Variants in CDC123 observed in about 807,000 individuals in gnomAD.
CDC123 encodes the protein translation initiation factor eIF2 assembly protein.
In CDC123, 37 loss-of-function variants were observed where a neutral mutation model predicts 54.4. The observed-to-expected ratio is 0.68, with a 90% CI of 0.52 to 0.89. The LOEUF is 0.89. Among genes scored for constraint, CDC123 ranks in the 40% least tolerant of loss-of-function variants. CDC123 has a pLI of 0.00. For synonymous variants in CDC123, 144 were observed against 136.8 expected, an observed-to-expected ratio of 1.05 and a Z score of -0.37; for missense variants, 361 against 412.1, an observed-to-expected ratio of 0.88 and a Z score of 1.07.
chr10:12,220,161 C>CAT (rs1320324537), intron 6 of CDC123, among the ~76,000 whole-genome samples: 1 of 152,128 alleles, frequency 6.6e-6, no homozygotes, highest in African/African-American at 2.4e-5. Context: ...CCTTTAGTGT[C>CAT]AGTTGCAGTG....
chr10:12,216,898 A>G (rs979117280), intron 5 of CDC123, among the ~76,000 whole-genome samples: 3 of 152,160 alleles, frequency 2.0e-5, no homozygotes, highest in Non-Finnish European at 4.4e-5. Flanking sequence ...TCTCTTTCAG[A>G]TTTGATAGAC....
At chr10:12,209,828 T>A in intron 2 of CDC123, 139 bp from the exon 3 acceptor site, 2 of 748,206 alleles carry the variant, frequency 2.7e-6, no homozygotes, top group South Asian at 3.2e-5. Flanking sequence ...CCTGCCAGAG[T>A]GCTAGGATTA....
At chr10:12,215,915 G>T in intron 5 of CDC123, 80 bp downstream of exon 5, 1 of 789,360 alleles carries the variant, frequency 1.3e-6, no homozygotes, top group Non-Finnish European at 2.0e-6. Context: ...CCCTACAGAG[G>T]GTCTAATTAT....
At chr10:12,219,708 G>A (rs567750807) in intron 6 of CDC123, among the ~76,000 whole-genome samples, 17 of 123,010 alleles carry the variant, frequency 1.4e-4, no homozygotes, top group Admixed American at 1.1e-3. Context: ...TTTTTTTGAC[G>A]GAGTCTCACT....
chr10:12,210,107 T>G, intron 3 of CDC123, 83 bp downstream of exon 3: 1 of 1,496,590 alleles, frequency 6.7e-7, no homozygotes, highest in East Asian at 2.3e-5. Flanking sequence ...GTAGATCTTA[T>G]CTTACATCTG....
intron 4 of CDC123, among the ~76,000 whole-genome samples, chr10:12,214,625 C>G (rs1835641057): frequency 1.3e-5 from 2 of 152,178 alleles, no homozygotes; most frequent in South Asian, 4.1e-4. Context: ...AAAGCTGTTT[C>G]TTGTTTTGGG....
intron 1 of CDC123, 123 bp from the exon 2 acceptor site, chr10:12,198,582 A>G (rs752693276): frequency 1.5e-6 from 1 of 668,066 alleles, no homozygotes; most frequent in Non-Finnish European, 2.7e-6. Context: ...AATGTACATC[A>G]TTAACATTTT....
intron 2 of CDC123, among the ~76,000 whole-genome samples, chr10:12,199,107 A>G (rs904240930): frequency 2.6e-5 from 4 of 152,214 alleles, no homozygotes; most frequent in African/African-American, 9.6e-5. Flanking sequence ...AGTTTTGACG[A>G]TTAAAAATTC....
chr10:12,240,330 C>G (rs1356337319), intron 10 of CDC123, among the ~76,000 whole-genome samples: 2 of 152,150 alleles, frequency 1.3e-5, no homozygotes, highest in Non-Finnish European at 2.9e-5. Flanking sequence ...TCCCGTGTCA[C>G]CTACACACAA....
intron 6 of CDC123, among the ~76,000 whole-genome samples, chr10:12,227,217 C>A (rs569609411): frequency 6.6e-6 from 1 of 150,872 alleles, no homozygotes; most frequent in Admixed American, 6.6e-5. Flanking sequence ...TACAGTCCAG[C>A]CTCTGCTCGG....
chr10:12,223,880 C>T (rs1431576896), intron 6 of CDC123, among the ~76,000 whole-genome samples: 1 of 151,244 alleles, frequency 6.6e-6, no homozygotes, highest in Non-Finnish European at 1.5e-5. Context: ...TTTTTTATTT[C>T]AGTAGGTTTG....
chr10:12,248,699 G>A (rs113821372), intron 11 of CDC123, among the ~76,000 whole-genome samples: 9 of 152,168 alleles, frequency 5.9e-5, no homozygotes, highest in East Asian at 3.9e-4. Flanking sequence ...CCAGCCACTC[G>A]GGAGGCTGAG....
chr10:12,199,923 C>T (rs944408511), intron 2 of CDC123, among the ~76,000 whole-genome samples: 3 of 148,122 alleles, frequency 2.0e-5, no homozygotes, highest in South Asian at 2.1e-4. Flanking sequence ...CCCGGGTTCA[C>T]GCTATTCTCC....
chr10:12,206,762 T>C (rs184311049), intron 2 of CDC123, among the ~76,000 whole-genome samples: 5 of 152,006 alleles, frequency 3.3e-5, no homozygotes, highest in South Asian at 4.2e-4. Flanking sequence ...ATCGAGACCA[T>C]CCTGGCCAAC....
At chr10:12,231,077 A>T (rs1214935294) in intron 7 of CDC123, 81 bp downstream of exon 7, 1 of 1,320,330 alleles carries the variant, frequency 7.6e-7, no homozygotes, top group East Asian at 2.3e-5. Flanking sequence ...AATGAAATGA[A>T]TGAAGTTTCT....
chr10:12,249,931 C>A, intron 12 of CDC123: 1 of 588,516 alleles, frequency 1.7e-6, no homozygotes, highest in Non-Finnish European at 2.8e-6. Context: ...TGTTTTTATG[C>A]TGTACATGCC....
intron 1 of CDC123, 141 bp downstream of exon 1, chr10:12,196,460 A>G (rs1835348023): frequency 5.2e-6 from 6 of 1,149,406 alleles, no homozygotes; most frequent in South Asian, 2.8e-5. Flanking sequence ...TACATCAGCA[A>G]TTGTCTGCGT....
At chr10:12,238,532 T>A in intron 10 of CDC123, 47 bp downstream of exon 10, 1 of 1,593,656 alleles carries the variant, frequency 6.3e-7, no homozygotes, top group South Asian at 1.1e-5. Flanking sequence ...GAGCTGGTTT[T>A]ATAAGCAGGC....
At position 12,196,241 on chromosome 10, in the gene CDC123, G is replaced by T. The variant is rs758743330; in HGVS notation, c.-5G>T. 4 of 1,613,940 alleles carry T rather than the reference G, an allele frequency of 2.5e-6. No homozygotes were observed. Among genetic ancestry groups the T allele is most frequent in the Non-Finnish European group, 3.4e-6 (4 of 1,179,924 alleles). ...GGGAAAGGCAGCAGCGGCGGCAGCT[G>T]GAGGATGAAGAAGGAGCATGTGCTT... On this transcript the variant is annotated 5_prime_UTR_variant, in exon 1 of 13. Transcript: ENST00000281141.
Sources: allele counts gnomAD v4.1 joint callset (sites outside exome capture counted in the v4.1 genomes callset), GRCh38; gene constraint gnomAD v4.1.1; transcripts MANE v1.5; gene names NCBI Gene and HGNC (gene_info 2026-07-23, HGNC 2026-07-21).